Variants in IL1RAPL2 observed in about 807,000 individuals in gnomAD.
IL1RAPL2 encodes the protein X-linked interleukin-1 receptor accessory protein-like 2.
A neutral mutation model predicts 44.1 loss-of-function variants in IL1RAPL2; 3 were observed. The ratio of observed to expected loss-of-function variants is 0.07; its 90% CI spans 0.03 to 0.18. IL1RAPL2 has a LOEUF of 0.18. Among genes scored for constraint, IL1RAPL2 ranks in the 10% least tolerant of loss-of-function variants. The probability of loss-of-function intolerance (pLI) is 1.00; values close to 1 mark genes in which losing one functional copy is unlikely to be tolerated. For missense variants in IL1RAPL2, 391 were observed against 496.4 expected (o/e 0.79, Z 2.02); for synonymous variants, 181 against 178.8 (o/e 1.01, Z -0.10).
chrX:104,845,039 T>G (rs898610469), intron 2 of IL1RAPL2, among the ~76,000 whole-genome samples: 2 of 111,955 alleles, frequency 1.8e-5, no homozygotes, highest in African/African-American at 3.2e-5. Flanking sequence ...AGTTTTGACA[T>G]AATCTTCTAA....
intron 6 of IL1RAPL2, among the ~76,000 whole-genome samples, chrX:105,569,206 A>G (rs1458270387): frequency 9.0e-6 from 1 of 111,593 alleles, no homozygotes; most frequent in African/African-American, 3.3e-5. Context: ...TTATTTAATT[A>G]ATGATTTATA....
chrX:105,375,861 A>G (rs2035383635), intron 5 of IL1RAPL2, among the ~76,000 whole-genome samples: 1 of 111,956 alleles, frequency 8.9e-6, no homozygotes, highest in Non-Finnish European at 1.9e-5. Context: ...TGTCCTGCCA[A>G]CTGTTTCGTA....
At chrX:105,349,280 G>C (rs2035134554) in intron 5 of IL1RAPL2, among the ~76,000 whole-genome samples, 1 of 111,816 alleles carries the variant, frequency 8.9e-6, no homozygotes, top group Non-Finnish European at 1.9e-5. Flanking sequence ...TTGTAATCCA[G>C]TTAGAAATTG....
chrX:105,678,285 T>A (rs753189284), intron 6 of IL1RAPL2, among the ~76,000 whole-genome samples: 5 of 112,461 alleles, frequency 4.4e-5, no homozygotes, highest in Non-Finnish European at 3.8e-5. Flanking sequence ...ATGCAATGCC[T>A]AATAATCAAA....
intron 1 of IL1RAPL2, among the ~76,000 whole-genome samples, chrX:104,615,582 T>G (rs922525973): frequency 3.6e-5 from 4 of 111,977 alleles, no homozygotes; most frequent in African/African-American, 1.3e-4. Context: ...GGCTGCATAT[T>G]ATTCCATGGT....
intron 2 of IL1RAPL2, among the ~76,000 whole-genome samples, chrX:105,134,806 C>T (rs753272679): frequency 9.0e-6 from 1 of 111,210 alleles, no homozygotes; most frequent in East Asian, 2.8e-4. Flanking sequence ...ATGTTTGTAC[C>T]TAATCTCAGA....
intron 2 of IL1RAPL2, among the ~76,000 whole-genome samples, chrX:104,930,688 T>C (rs1924876139): frequency 8.9e-6 from 1 of 111,922 alleles, no homozygotes; most frequent in Non-Finnish European, 1.9e-5. Flanking sequence ...CTTCGTATTA[T>C]ACTGTCTTCT....
intron 2 of IL1RAPL2, among the ~76,000 whole-genome samples, chrX:104,973,370 C>G (rs2030272185): frequency 9.0e-6 from 1 of 111,470 alleles, no homozygotes; most frequent in South Asian, 3.8e-4. Flanking sequence ...CAATGTGAGT[C>G]AAAAACTAAA....
chrX:105,472,887 A>T (rs2036174494), intron 5 of IL1RAPL2, among the ~76,000 whole-genome samples: 1 of 111,841 alleles, frequency 8.9e-6, no homozygotes, highest in South Asian at 3.7e-4. Flanking sequence ...TTGAAATATT[A>T]TTACATATTC....
chrX:104,631,542 G>C (rs1929650231), intron 1 of IL1RAPL2, among the ~76,000 whole-genome samples: 1 of 111,577 alleles, frequency 9.0e-6, no homozygotes, highest in Non-Finnish European at 1.9e-5. Context: ...TAACTGGTGT[G>C]AGATGGTATC....
chrX:105,534,922 A>T (rs2036666962), intron 6 of IL1RAPL2, among the ~76,000 whole-genome samples: 1 of 112,148 alleles, frequency 8.9e-6, no homozygotes, highest in African/African-American at 3.2e-5. Flanking sequence ...TCAAAATTTT[A>T]GAAGAAACAT....
chrX:105,499,962 C>T (rs2036381665), intron 6 of IL1RAPL2, among the ~76,000 whole-genome samples: 2 of 112,211 alleles, frequency 1.8e-5, no homozygotes, highest in Non-Finnish European at 1.9e-5. Flanking sequence ...ATAAATAAAA[C>T]GTGGTCTATA....
chrX:104,904,857 A>G (rs1315420151), intron 2 of IL1RAPL2, among the ~76,000 whole-genome samples: 1 of 110,679 alleles, frequency 9.0e-6, no homozygotes, highest in Admixed American at 9.6e-5. Flanking sequence ...TTCTAGTTCT[A>G]GATCCCTGAG....
chrX:104,871,840 A>G (rs971014257), intron 2 of IL1RAPL2, among the ~76,000 whole-genome samples: 4 of 112,032 alleles, frequency 3.6e-5, no homozygotes, highest in African/African-American at 1.3e-4. Context: ...ACTTTCATAC[A>G]TTTGATTAAA....
At chrX:104,601,278 C>A (rs1376750565) in intron 1 of IL1RAPL2, among the ~76,000 whole-genome samples, 1 of 109,030 alleles carries the variant, frequency 9.2e-6, no homozygotes, top group African/African-American at 3.3e-5. Flanking sequence ...TCCTCCCCCT[C>A]CCCCTACCCC....
chrX:104,897,182 A>G (rs1214882826), intron 2 of IL1RAPL2, among the ~76,000 whole-genome samples: 3 of 112,060 alleles, frequency 2.7e-5, no homozygotes, highest in Non-Finnish European at 5.6e-5. Context: ...ACAGGCAGTT[A>G]TTATCAGATG....
chrX:105,421,890 A>G (rs1257458493), intron 5 of IL1RAPL2, among the ~76,000 whole-genome samples: 3 of 112,253 alleles, frequency 2.7e-5, no homozygotes, highest in African/African-American at 9.7e-5. Flanking sequence ...TGAAAACATT[A>G]TTTTGAAGAC....
intron 6 of IL1RAPL2, among the ~76,000 whole-genome samples, chrX:105,531,089 T>C (rs936506690): frequency 7.1e-5 from 8 of 112,039 alleles, no homozygotes; most frequent in African/African-American, 2.6e-4. Flanking sequence ...CTTTTGAGTT[T>C]ATTCCCAGCA....
intron 5 of IL1RAPL2, among the ~76,000 whole-genome samples, chrX:105,305,514 C>G (rs2034729116): frequency 1.8e-5 from 2 of 110,906 alleles, no homozygotes; most frequent in African/African-American, 6.6e-5. Flanking sequence ...CTCCCCATCT[C>G]TCTCTTCCTT....
Sources: gnomAD v4.1 joint callset for allele counts (sites outside exome capture counted in the v4.1 genomes callset) on GRCh38, gnomAD v4.1.1 for gene constraint, MANE v1.5 for transcripts, NCBI Gene and HGNC (gene_info 2026-07-23, HGNC 2026-07-21) for gene names.